The following QTGAL variants were observed in gnomAD, a reference collection of about 807,000 sequenced individuals.
QTGAL encodes the protein queuosine-tRNA galactosyltransferase.
the QTGAL span, among the ~76,000 whole-genome samples, chr17:83,026,642 G>T: frequency 0.024 from 263 of 11,006 alleles, 9 homozygotes; most frequent in African/African-American, 0.062. Context: ...GAAGCCTGCA[G>T]ACAAACCCAC....
At chr17:83,022,008 C>A in the QTGAL span, among the ~76,000 whole-genome samples, 2 of 152,114 alleles carry the variant, frequency 1.3e-5, no homozygotes, top group Non-Finnish European at 2.9e-5. Context: ...GAAAAAGAAT[C>A]CTCAGCCCCC....
the QTGAL span, among the ~76,000 whole-genome samples, chr17:83,012,606 G>A: frequency 6.6e-6 from 1 of 152,126 alleles, no homozygotes; most frequent in Non-Finnish European, 1.5e-5. Flanking sequence ...GGACCACACA[G>A]CTGCAGGGAC....
At chr17:83,022,977 GCACT>G in the QTGAL span, among the ~76,000 whole-genome samples, 1 of 31,806 alleles carries the variant, frequency 3.1e-5, no homozygotes. Context: ...CGTTAGCTTA[GCACT>G]GTCCCCGGCC....
At chr17:82,956,373 C>G in the QTGAL span, among the ~76,000 whole-genome samples, 1 of 152,212 alleles carries the variant, frequency 6.6e-6, no homozygotes, top group Non-Finnish European at 1.5e-5. This position sits in a 1 kb window ranked among gnomAD's most constrained non-coding sequence, Gnocchi z 5.7. Flanking sequence ...TCAGACATGG[C>G]ACCGCAGGGC....
the QTGAL span, chr17:83,006,555 C>T: frequency 2.0e-6 from 2 of 985,430 alleles, no homozygotes; most frequent in Non-Finnish European, 2.4e-6. The surrounding 1 kb of genome is among the most constrained non-coding windows in gnomAD (Gnocchi z 5.8). Context: ...TGTCCCAGGG[C>T]ACGAGCACCC....
the QTGAL span, among the ~76,000 whole-genome samples, chr17:83,034,794 T>C: frequency 6.6e-3 from 998 of 152,332 alleles, 16 homozygotes; most frequent in African/African-American, 0.023. Flanking sequence ...ACGTCAGACA[T>C]GCGCGACTGT....
chr17:82,988,967 A>T, the QTGAL span, among the ~76,000 whole-genome samples: 1 of 152,232 alleles, frequency 6.6e-6, no homozygotes, highest in African/African-American at 2.4e-5. Context: ...ATCTACAACC[A>T]GAAATGCCAT....
At chr17:83,024,416 G>A in the QTGAL span, among the ~76,000 whole-genome samples, 137 of 152,380 alleles carry the variant, frequency 9.0e-4, no homozygotes, top group African/African-American at 3.2e-3. Flanking sequence ...CGGTTCAGAC[G>A]GAGTTCGCGA....
At chr17:83,031,863 G>A in the QTGAL span, among the ~76,000 whole-genome samples, 3 of 152,364 alleles carry the variant, frequency 2.0e-5, no homozygotes, top group Non-Finnish European at 2.9e-5. Context: ...TGAGTTTCAG[G>A]TGACGTTCAC....
the QTGAL span, among the ~76,000 whole-genome samples, chr17:83,022,267 G>A: frequency 6.7e-6 from 1 of 149,242 alleles, no homozygotes. Context: ...ACTCACATGA[G>A]CTTAGCACTG....
chr17:82,993,693 G>T, the QTGAL span, among the ~76,000 whole-genome samples: 2 of 151,456 alleles, frequency 1.3e-5, no homozygotes, highest in African/African-American at 4.9e-5. Flanking sequence ...ATTCTTTTCC[G>T]CAGCACATGG....
At chr17:83,000,727 A>G in the QTGAL span, among the ~76,000 whole-genome samples, 2 of 152,168 alleles carry the variant, frequency 1.3e-5, no homozygotes, top group East Asian at 3.8e-4. Context: ...AACCTCTCCA[A>G]TACACTTGCT....
At chr17:82,947,774 C>G in the QTGAL span, 4 of 152,392 alleles carry the variant, frequency 2.6e-5, no homozygotes, top group Non-Finnish European at 5.9e-5. Context: ...CATTACACCA[C>G]CTACCACTGC....
At chr17:82,998,914 C>T in the QTGAL span, among the ~76,000 whole-genome samples, 1 of 151,244 alleles carries the variant, frequency 6.6e-6, no homozygotes, top group Non-Finnish European at 1.5e-5. Flanking sequence ...GAAATGCAAA[C>T]TAAAATCACC....
At chr17:82,979,820 C>T in the QTGAL span, among the ~76,000 whole-genome samples, 1 of 152,154 alleles carries the variant, frequency 6.6e-6, no homozygotes, top group African/African-American at 2.4e-5. Flanking sequence ...AGAGGAAACA[C>T]ATTAACCAAT....
the QTGAL span, among the ~76,000 whole-genome samples, chr17:82,963,192 G>A: frequency 2.0e-5 from 3 of 152,178 alleles, no homozygotes; most frequent in Non-Finnish European, 4.4e-5. Context: ...GGAGAAAAGC[G>A]TGAGCTAAAG....
chr17:83,011,545 C>G, the QTGAL span: 1 of 152,184 alleles, frequency 6.6e-6, no homozygotes, highest in African/African-American at 2.4e-5. Context: ...TCTAAAAAAT[C>G]CAGCCACGCA....
chr17:83,047,847 ATTTAGGT>A, the QTGAL span, among the ~76,000 whole-genome samples: 6 of 130,074 alleles, frequency 4.6e-5, no homozygotes, highest in South Asian at 2.3e-4. Context: ...AGAATAAGAA[ATTTAGGT>A]CTATAATAAA....
the QTGAL span, chr17:83,014,496 C>T: frequency 6.2e-7 from 1 of 1,614,142 alleles, no homozygotes; most frequent in South Asian, 1.1e-5. Context: ...GCAGCCTCAC[C>T]CGCTGGGGCA....
Sources: allele counts gnomAD v4.1 joint callset (sites outside exome capture counted in the v4.1 genomes callset), GRCh38; gene constraint gnomAD v4.1.1; non-coding constraint Gnocchi (gnomAD v3.1); transcripts MANE v1.5; gene names NCBI Gene and HGNC (gene_info 2026-07-23, HGNC 2026-07-21).